BARX2: variants seen among roughly 807,000 people sequenced by gnomAD.
The protein encoded by BARX2 is BARX homeobox 2.
Under a neutral mutation model 25.5 loss-of-function variants are expected in BARX2, and 11 were observed. The ratio of observed to expected loss-of-function variants is 0.43; its 90% CI spans 0.27 to 0.71. BARX2 has a LOEUF of 0.71. BARX2 is among the 30% of genes least tolerant of loss of function. The pLI is 0.19. For missense variants in BARX2, 360 were observed against 359.9 expected, an observed-to-expected ratio of 1.00 and a Z score of 0.00; for synonymous variants, 137 against 149.5, an observed-to-expected ratio of 0.92 and a Z score of 0.61.
At position 129,436,744 on chromosome 11, in the gene BARX2, T is replaced by C; in HGVS notation, c.188-7T>C. ...TGTGGTGACCTGCCTCCCTGCTTGT[T>C]TTCCAGGCTCCCCTTCCCTGCGGGC... On this transcript the variant is annotated splice_polypyrimidine_tract_variant and splice_region_variant and intron_variant, in intron 1 of 3. Transcript: ENST00000281437. This position sits in a 1 kb window ranked among gnomAD's most constrained non-coding sequence, Gnocchi z 4.5. 6.4e-7 allele frequency: 1 copy of C among 1,551,920 alleles called. No homozygotes were observed. Among genetic ancestry groups the C allele is most frequent in the Non-Finnish European group, 8.7e-7 (1 of 1,144,080 alleles).
chr11:129,412,281 AAAC>A (rs1290125347), intron 1 of BARX2, among the ~76,000 whole-genome samples: 23 of 147,976 alleles, frequency 1.6e-4, no homozygotes, highest in African/African-American at 5.3e-4. Flanking sequence ...CAAAAAAAAA[AAAC>A]AAACAAAAAA....
At chr11:129,411,556 G>A (rs73569166) in intron 1 of BARX2, among the ~76,000 whole-genome samples, 74 of 152,174 alleles carry the variant, frequency 4.9e-4, no homozygotes, top group African/African-American at 1.6e-3. Flanking sequence ...AGTAAGAATC[G>A]GGATGAAGCC....
intron 1 of BARX2, among the ~76,000 whole-genome samples, chr11:129,430,344 T>G (rs1862115145): frequency 6.6e-6 from 1 of 152,200 alleles, no homozygotes; most frequent in Non-Finnish European, 1.5e-5. Flanking sequence ...TATGTTTCAA[T>G]AGATTAATAT....
In BARX2 at chr11:129,390,917, G is replaced by A. The variant is rs906407520; in HGVS notation, c.187+14695G>A. ...GCACAGAAAATTGTGTGTACTTGAC[G>A]CACAGGCGGTGTGGAAGCAGGATTT... On this transcript the variant is annotated intron_variant, in intron 1 of 3. Transcript: ENST00000281437. This position sits in a 1 kb window ranked among gnomAD's most constrained non-coding sequence, Gnocchi z 4.3. Among the ~76,000 whole-genome samples, 3 of 152,172 alleles carry A rather than the reference G, an allele frequency of 2.0e-5. No homozygotes were observed. Among genetic ancestry groups the A allele is most frequent in the Admixed American group, 6.5e-5 (1 of 15,288 alleles).
At chr11:129,393,917 G>A (rs777604436) in intron 1 of BARX2, among the ~76,000 whole-genome samples, 58 of 152,078 alleles carry the variant, frequency 3.8e-4, no homozygotes, top group Admixed American at 1.3e-4. Flanking sequence ...GGGCAACATA[G>A]TGAGACCTCA....
At chr11:129,407,238 T>G (rs1861840025) in intron 1 of BARX2, among the ~76,000 whole-genome samples, 1 of 152,200 alleles carries the variant, frequency 6.6e-6, no homozygotes, top group South Asian at 2.1e-4. Context: ...CTCAGTCACA[T>G]CAGACCAAAC....
rs1861659547 is a variant in BARX2 at position 129,390,899 on chromosome 11, A to C, written c.187+14677A>C. ...TGGTATTCATGCAGTGGCGCACAGA[A>C]AATTGTGTGTACTTGACGCACAGGC... On this transcript the variant is annotated intron_variant, in intron 1 of 3. Transcript: ENST00000281437. The surrounding 1 kb of genome is among the most constrained non-coding windows in gnomAD (Gnocchi z 4.3). 6.6e-6 allele frequency among the ~76,000 whole-genome samples: 1 copy of C among 152,188 alleles called. No homozygotes were observed. Among genetic ancestry groups the C allele is most frequent in the African/African-American group, 2.4e-5 (1 of 41,450 alleles).
chr11:129,379,824 C>T (rs1195463189), intron 1 of BARX2, among the ~76,000 whole-genome samples: 1 of 152,008 alleles, frequency 6.6e-6, no homozygotes, highest in East Asian at 1.9e-4. Flanking sequence ...CTAGAATTAC[C>T]TTACATTTAC....
chr11:129,382,026 G>A (rs1213491936), intron 1 of BARX2, among the ~76,000 whole-genome samples: 1 of 152,202 alleles, frequency 6.6e-6, no homozygotes, highest in Non-Finnish European at 1.5e-5. Context: ...GCTCTGCACA[G>A]CATTTAGCCT....
At chr11:129,382,955 T>C (rs955140206) in intron 1 of BARX2, among the ~76,000 whole-genome samples, 1 of 152,218 alleles carries the variant, frequency 6.6e-6, no homozygotes, top group Admixed American at 6.5e-5. Context: ...GGCCTGCCTG[T>C]CGGTGCCTGC....
At chr11:129,449,090 T>C (rs1249593856) in intron 3 of BARX2, among the ~76,000 whole-genome samples, 1 of 152,138 alleles carries the variant, frequency 6.6e-6, no homozygotes, top group East Asian at 1.9e-4. Flanking sequence ...TGGGGTTTCT[T>C]TTTGGGGTGA....
chr11:129,409,865 C>T lies in BARX2; in HGVS notation c.188-26886C>T, dbSNP rs1296101025. Reference sequence around the variant, plus strand: ...TGTTATAGTCTTTTATTTATAATTTCCTCCATTATTTTTTCTTGGAATTTC... The same window carrying T: ...TGTTATAGTCTTTTATTTATAATTTTCTCCATTATTTTTTCTTGGAATTTC... On this transcript the variant is annotated intron_variant, in intron 1 of 3. Coordinates refer to ENST00000281437, the MANE Select transcript of BARX2 (RefSeq NM_003658.5). 2.6e-5 allele frequency among the ~76,000 whole-genome samples: 4 copies of T among 152,020 alleles called. No homozygotes were observed. The South Asian group carries it at 6.2e-4, about 24-fold the overall frequency.
intron 1 of BARX2, among the ~76,000 whole-genome samples, chr11:129,431,009 G>A (rs999992541): frequency 6.6e-6 from 1 of 152,022 alleles, no homozygotes; most frequent in Non-Finnish European, 1.5e-5. Flanking sequence ...TTATAAGCAC[G>A]CACCACCACG....
At chr11:129,443,080 A>C (rs953401807) in intron 3 of BARX2, among the ~76,000 whole-genome samples, 161 bp downstream of exon 3, 3 of 152,056 alleles carry the variant, frequency 2.0e-5, no homozygotes, top group African/African-American at 7.2e-5. Flanking sequence ...CTGTAGGTTG[A>C]GCTATTCCTC....
At chr11:129,443,281 G>A (rs1862285522) in intron 3 of BARX2, among the ~76,000 whole-genome samples, 1 of 151,990 alleles carries the variant, frequency 6.6e-6, no homozygotes, top group Non-Finnish European at 1.5e-5. Context: ...CCATCAACCC[G>A]TCATCTACAT....
In BARX2 at chr11:129,451,322, G is replaced by A. The variant is rs1862397747; in HGVS notation, c.760G>A (p.Val254Ile). The stretch of plus-strand genomic sequence containing the variant: ...AGCACAGGAACCGAAAGCACGTGAT[G>A]TCCCCTTAGAGATGGCAGAGCCACC... ...CEAQEPKARD[V>I]PLEMAEPPDP... Residue 254 changes from valine to isoleucine, a missense_variant, in exon 4 of 4, where the codon GTC becomes ATC. Around this residue, in one of 3 missense-constraint regions of BARX2, gnomAD observed 114 missense variants for 109.4 expected, o/e 1.04. Transcript: ENST00000281437. The A allele has an allele frequency of 6.2e-7, 1 of 1,614,050 alleles. No homozygotes were observed. The highest frequency in any genetic ancestry group is 8.5e-7 in the Non-Finnish European group (1 of 1,180,032).
chr11:129,429,046 A>C (rs1284331107), intron 1 of BARX2, among the ~76,000 whole-genome samples: 3 of 146,404 alleles, frequency 2.0e-5, no homozygotes, highest in Non-Finnish European at 4.5e-5. Flanking sequence ...CATTAGGTTT[A>C]AGCTTTATGG....
chr11:129,389,981 C>T (rs959862), intron 1 of BARX2, among the ~76,000 whole-genome samples: 129,747 of 152,152 alleles, frequency 0.85, 55,435 homozygotes, highest in East Asian at 0.98. Context: ...ATGGCTGTCA[C>T]GTGGAGGAAC....
intron 1 of BARX2, among the ~76,000 whole-genome samples, chr11:129,381,952 G>C (rs1168263977): frequency 6.6e-6 from 1 of 152,182 alleles, no homozygotes; most frequent in Non-Finnish European, 1.5e-5. Flanking sequence ...GGTACTAAAT[G>C]GCTAAAGTTG....
Sources: allele counts gnomAD v4.1 joint callset (sites outside exome capture counted in the v4.1 genomes callset), GRCh38; gene constraint gnomAD v4.1.1; regional missense constraint gnomAD v4.1.1; non-coding constraint Gnocchi (gnomAD v3.1); transcripts MANE v1.5; gene names NCBI Gene and HGNC (gene_info 2026-07-23, HGNC 2026-07-21).